Variants in RASGRP2 observed in about 807,000 individuals in gnomAD.
The protein encoded by RASGRP2 is RAS guanyl-releasing protein 2.
Under a neutral mutation model 71.0 loss-of-function variants are expected in RASGRP2, and 44 were observed. The observed-to-expected ratio is 0.62, with a 90% CI of 0.49 to 0.80. The LOEUF (loss-of-function observed/expected upper bound fraction) is 0.80, where lower values mean the gene tolerates loss of function less well. Among genes scored for constraint, RASGRP2 ranks in the 30% least tolerant of loss-of-function variants. The probability of loss-of-function intolerance (pLI) is 0.00; values close to 1 mark genes in which losing one functional copy is unlikely to be tolerated. For missense variants in RASGRP2, 663 were observed against 813.4 expected (o/e 0.82, Z 2.25); for synonymous variants, 350 against 330.7 (o/e 1.06, Z -0.63).
intron 5 of RASGRP2, 25 bp downstream of exon 5, chr11:64,740,923 A>C: frequency 1.3e-6 from 2 of 1,587,062 alleles, no homozygotes; most frequent in Non-Finnish European, 1.7e-6. Context: ...GTGCCCCCCC[A>C]GCCCTCTGTG....
intron 15 of RASGRP2, among the ~76,000 whole-genome samples, chr11:64,728,073 T>TA: frequency 6.6e-6 from 1 of 152,198 alleles, no homozygotes; most frequent in Non-Finnish European, 1.5e-5. Flanking sequence ...GACCCCAGTT[T>TA]AACATAGTTG....
upstream of RASGRP2, chr11:64,745,101 GAC>G (rs2058262539): frequency 2.6e-5 from 4 of 151,966 alleles, no homozygotes; most frequent in African/African-American, 9.7e-5. Context: ...CGCCGCCCGG[GAC>G]GCGGAGGGGG....
At chr11:64,740,327 G>T (rs546323) in intron 5 of RASGRP2, 164 bp from the exon 6 acceptor site, 3 of 794,702 alleles carry the variant, frequency 3.8e-6, no homozygotes, top group South Asian at 2.9e-5. Flanking sequence ...CATCTCCCCC[G>T]ACCCCGTCAT....
At position 64,735,644 on chromosome 11, in the gene RASGRP2, G is replaced by A. The variant is rs2057909505; in HGVS notation, c.1194C>T (p.Cys398=). The A allele has an allele frequency of 6.2e-7, 1 of 1,612,898 alleles. No homozygotes were observed. The highest frequency in any genetic ancestry group is 8.5e-7 in the Non-Finnish European group (1 of 1,179,644). ...SKSSPTSPTS[C]TPPPRPPVLE... ...GTACCGGGGGCCGGGGTGGTGGGGTGCAACTCGTGGGGCTGGTTGGCTATG... is the reference window on the plus strand; with the variant it reads ...GTACCGGGGGCCGGGGTGGTGGGGTACAACTCGTGGGGCTGGTTGGCTATG... Residue 398 remains cysteine, a synonymous_variant, in exon 11 of 17, where the codon TGC becomes TGT. Transcript: ENST00000394432. This position sits in a 1 kb window ranked among gnomAD's most constrained non-coding sequence, Gnocchi z 4.2.
At chr11:64,728,833 AC>A in intron 15 of RASGRP2, 29 bp downstream of exon 15, 3 of 1,568,408 alleles carry the variant, frequency 1.9e-6, no homozygotes, top group Non-Finnish European at 2.6e-6. Flanking sequence ...CCTTCCCTCC[AC>A]AGGCCAGTAC....
chr11:64,730,067 G>A lies in RASGRP2; in HGVS notation c.1540C>T (p.His514Tyr), dbSNP rs1181529611. The change falls in exon 13 of 17, where the codon CAC becomes TAC. Residue 514 changes from histidine to tyrosine, a missense_variant. Physicochemically the swap from His to Tyr is moderately conservative, Grantham distance 83. Transcript: ENST00000394432. ...GGGACTCTCACCAGGGCTTTGCAGT[G>A]GCGGCAGGCGACGGGGCGCAAGGAG... Reference protein sequence around the residue: ...SNSLRPVACRHCKALILGIYK... With the variant: ...SNSLRPVACRYCKALILGIYK... The A allele has an allele frequency of 7.1e-6, 11 of 1,550,688 alleles. No individual in the cohort carries two copies. The highest frequency in any genetic ancestry group is 1.4e-5 in the African/African-American group (1 of 73,084).
chr11:64,738,515 C>A (rs1228302486), intron 8 of RASGRP2, among the ~76,000 whole-genome samples: 2 of 152,124 alleles, frequency 1.3e-5, no homozygotes, highest in African/African-American at 2.4e-5. Context: ...TGGCTCACTG[C>A]AACCTCCGCC....
In RASGRP2 at chr11:64,741,427, G is replaced by A. The variant is rs749532632; in HGVS notation, c.239+12C>T. The A allele has an allele frequency of 6.5e-7, 1 of 1,544,194 alleles. No individual in the cohort carries two copies. The highest frequency in any genetic ancestry group is 1.2e-5 in the South Asian group (1 of 84,458). ...AAAGGGGAGGGGCTAGAGCCCCAGG[G>A]GAAAGACTCACCTGACCAGGTGGCA... On this transcript the variant is annotated intron_variant, in intron 4 of 16. Coordinates refer to ENST00000394432, the MANE Select transcript of RASGRP2 (RefSeq NM_001098671.2).
Position 64,737,035 on chromosome 11 carries a change from C to T in RASGRP2, c.814-1G>A. ...CTAGTTCCGTGAGACCCTCCCAGAG[C>T]TGGGGACAAAGGACAGAGGAGTCAT... On this transcript the variant is annotated splice_acceptor_variant, in intron 8 of 16. Coordinates refer to ENST00000394432, the MANE Select transcript of RASGRP2 (RefSeq NM_001098671.2). LOFTEE classifies it high-confidence loss of function. The T allele has an allele frequency of 6.2e-7, 1 of 1,613,750 alleles. No homozygotes were observed. The highest frequency in any genetic ancestry group is 8.5e-7 in the Non-Finnish European group (1 of 1,180,020).
chr11:64,729,637 A>C, intron 14 of RASGRP2, 125 bp downstream of exon 14: 3 of 1,195,820 alleles, frequency 2.5e-6, no homozygotes, highest in Non-Finnish European at 3.7e-6. Context: ...ATGCCCGGCC[A>C]TGCGCCTCTG....
At chr11:64,736,465 G>A (rs927476350) in intron 9 of RASGRP2, among the ~76,000 whole-genome samples, 1 of 152,174 alleles carries the variant, frequency 6.6e-6, no homozygotes, top group African/African-American at 2.4e-5. Flanking sequence ...AGAATGCAGA[G>A]CTTGGCCCAG....
chr11:64,742,924 C>A lies in RASGRP2; in HGVS notation c.-58G>T, dbSNP rs1322370201. On this transcript the variant is annotated 5_prime_UTR_variant, in exon 2 of 17. Transcript: ENST00000394432. The surrounding 1 kb of genome is among the most constrained non-coding windows in gnomAD (Gnocchi z 4.7). ...TGCGCTCCGGGAGCCTCCCACCGGGCTCGGACCGAACCCCTGTCCCGGGAG... is the reference window on the plus strand; with the variant it reads ...TGCGCTCCGGGAGCCTCCCACCGGGATCGGACCGAACCCCTGTCCCGGGAG... 4 of 1,539,926 alleles carry A rather than the reference C, an allele frequency of 2.6e-6. No individual in the cohort carries two copies. The highest frequency in any genetic ancestry group is 3.9e-5 in the Admixed American group (2 of 51,254).
At position 64,742,345 on chromosome 11, in the gene RASGRP2, G is replaced by T. The variant is rs2058156100; in HGVS notation, c.74-233C>A. On this transcript the variant is annotated intron_variant, in intron 2 of 16. Coordinates refer to ENST00000394432, the MANE Select transcript of RASGRP2 (RefSeq NM_001098671.2). This position sits in a 1 kb window ranked among gnomAD's most constrained non-coding sequence, Gnocchi z 4.7. Reference sequence around the variant, plus strand: ...GAGGGGAGCGCCCGAGCCGCCCATCGTCCGGAGGGGAACCAGCTGGGGCGG... The same window carrying T: ...GAGGGGAGCGCCCGAGCCGCCCATCTTCCGGAGGGGAACCAGCTGGGGCGG... Among the ~76,000 whole-genome samples the T allele has an allele frequency of 6.6e-6, 1 of 152,142 alleles. No individual in the cohort carries two copies. The highest frequency in any genetic ancestry group is 1.5e-5 in the Non-Finnish European group (1 of 68,014).
In RASGRP2 at chr11:64,730,098, C is replaced by T; in HGVS notation, c.1509G>A (p.Glu503=). The change falls in exon 13 of 17, where the codon GAG becomes GAA. Residue 503 remains glutamate (E), a synonymous_variant. Transcript: ENST00000394432. The part of the protein sequence containing the change: ...GRMGFVHNFQ[E]SNSLRPVACR... ...AGGCGACGGGGCGCAAGGAGTTGCT[C>T]TCCTGGAAGTTGTGTACGAAGCCCA... 2 of 1,550,688 alleles carry T rather than the reference C, an allele frequency of 1.3e-6. No individual in the cohort carries two copies. The highest frequency in any genetic ancestry group is 2.4e-5 in the South Asian group (2 of 84,068).
chr11:64,739,315 G>T lies in RASGRP2; in HGVS notation c.813+45C>A. The T allele has an allele frequency of 6.8e-7, 1 of 1,470,046 alleles. No individual in the cohort carries two copies. The highest frequency in any genetic ancestry group is 9.5e-7 in the Non-Finnish European group (1 of 1,048,844). 91.1% of individuals were successfully genotyped at this position (1,470,046 alleles called of 1,614,324 possible). ...CCCAGTGCTGCTGGGAGGACCCAGT[G>T]AAGACAGACCTGGGAAGCACCGGCC... On this transcript the variant is annotated intron_variant, in intron 8 of 16. Transcript: ENST00000394432. This position sits in a 1 kb window ranked among gnomAD's most constrained non-coding sequence, Gnocchi z 4.2.
chr11:64,737,269 C>A (rs1381724598), intron 8 of RASGRP2: 7 of 570,060 alleles, frequency 1.2e-5, no homozygotes, highest in Admixed American at 1.2e-4. Context: ...GGCCTGGATG[C>A]AGGGAATCAT....
chr11:64,744,679 G>C (rs952443742), upstream of RASGRP2: 1 of 147,320 alleles, frequency 6.8e-6, no homozygotes, highest in African/African-American at 2.5e-5. Context: ...CCTGGGCGGG[G>C]GGGGAGTCGC....
chr11:64,731,224 C>T (rs927955603), intron 12 of RASGRP2, among the ~76,000 whole-genome samples: 1 of 152,104 alleles, frequency 6.6e-6, no homozygotes, highest in Non-Finnish European at 1.5e-5. Flanking sequence ...GGCATAGTGG[C>T]AGGCACCTAT....
intron 12 of RASGRP2, among the ~76,000 whole-genome samples, chr11:64,732,824 C>T (rs2057805330): frequency 6.6e-6 from 1 of 151,140 alleles, no homozygotes. Flanking sequence ...GTGGCGCGCG[C>T]CTGTAATCCC....
Sources: gnomAD v4.1 joint callset for allele counts (sites outside exome capture counted in the v4.1 genomes callset) on GRCh38, gnomAD v4.1.1 for gene constraint, Gnocchi (gnomAD v3.1) non-coding constraint, MANE v1.5 for transcripts, NCBI Gene and HGNC (gene_info 2026-07-23, HGNC 2026-07-21) for gene names.